CUL9: variants seen among roughly 807,000 people sequenced by gnomAD.
CUL9 encodes the protein cullin-9.
CUL9 carries 79 observed loss-of-function variants against 272.6 expected under a neutral mutation model. The ratio of observed to expected loss-of-function variants is 0.29; its 90% CI spans 0.24 to 0.35. CUL9 has a LOEUF of 0.35. Among genes scored for constraint, CUL9 ranks in the 10% least tolerant of loss-of-function variants. CUL9 has a pLI of 1.00. For synonymous variants in CUL9, 1,186 were observed against 1,286.5 expected (o/e 0.92, Z 1.67); for missense variants, 2,532 against 3,255.6 (o/e 0.78, Z 5.41).
intron 10 of CUL9, 157 bp from the exon 11 acceptor site, chr6:43,196,488 G>C (rs1261342545): frequency 1.1e-5 from 9 of 823,262 alleles, no homozygotes. Context: ...TTATGGGTTT[G>C]GGAGGAGTGG....
intron 20 of CUL9, 24 bp downstream of exon 20, chr6:43,204,011 C>T: frequency 5.7e-6 from 9 of 1,575,430 alleles, no homozygotes; most frequent in Non-Finnish European, 7.8e-6. Flanking sequence ...CACCTGGCCC[C>T]ACTAACCAGT....
In CUL9 at chr6:43,204,868, G is replaced by A; in HGVS notation, c.4449+11G>A. On this transcript the variant is annotated intron_variant, in intron 22 of 40. Transcript: ENST00000252050. Reference sequence around the variant, plus strand: ...GTGGTGCAGGAGCAGGTGGGCAGAAGCAAGCAGAAGTCTGCAGAGGGGAGG... The same window carrying A: ...GTGGTGCAGGAGCAGGTGGGCAGAAACAAGCAGAAGTCTGCAGAGGGGAGG... 6.2e-7 allele frequency: 1 copy of A among 1,613,990 alleles called. No homozygotes were observed. The highest frequency in any genetic ancestry group is 8.5e-7 in the Non-Finnish European group (1 of 1,179,906).
intron 31 of CUL9, among the ~76,000 whole-genome samples, chr6:43,217,903 GT>G (rs1262255027): frequency 6.6e-6 from 1 of 152,176 alleles, no homozygotes; most frequent in Admixed American, 6.5e-5. Flanking sequence ...GCATTGTGCT[GT>G]TTACATGCAT....
At chr6:43,202,564 CG>C (rs1163316781) in intron 16 of CUL9, 151 bp from the exon 17 acceptor site, 6 of 628,276 alleles carry the variant, frequency 9.5e-6, no homozygotes, top group Non-Finnish European at 1.7e-5. Flanking sequence ...ATTTTTATTT[CG>C]TAGAGGTGGG....
rs1776134392 is a variant in CUL9, at chr6:43,218,983, G to C, written c.6283-1476G>C. On this transcript the variant is annotated intron_variant, in intron 31 of 40. Transcript: ENST00000252050. The surrounding 1 kb of genome is among the most constrained non-coding windows in gnomAD (Gnocchi z 4.4). ...CAGAGACGGGGGGTCTCAGGAGTTTGAGACCAGCCTAGACAACACAGCAAG... is the reference window on the plus strand; with the variant it reads ...CAGAGACGGGGGGTCTCAGGAGTTTCAGACCAGCCTAGACAACACAGCAAG... Among the ~76,000 whole-genome samples, 1 of 152,058 alleles carries C rather than the reference G, an allele frequency of 6.6e-6. No individual in the cohort carries two copies. The highest frequency in any genetic ancestry group is 2.1e-4 in the South Asian group (1 of 4,822).
At position 43,223,977 on chromosome 6, in the gene CUL9, G is replaced by A; in HGVS notation, c.7285-118G>A. On this transcript the variant is annotated intron_variant, in intron 39 of 40. Transcript: ENST00000252050. This position sits in a 1 kb window ranked among gnomAD's most constrained non-coding sequence, Gnocchi z 4.1. ...GCAGTGTTTCATGAAGTGCTGTGCT[G>A]GGAGGGGAGCAGTCCTAGCAGGAGC... 1.1e-6 allele frequency: 1 copy of A among 928,284 alleles called. No individual in the cohort carries two copies. Among genetic ancestry groups the A allele is most frequent in the Non-Finnish European group, 1.8e-6 (1 of 563,278 alleles). The allele number at this position is 928,284 out of a possible 1,614,324, so 57.5% of individuals were successfully genotyped here. A position where few individuals can be genotyped will look rare whatever the true frequency, so the allele number is the denominator to read the frequency against.
chr6:43,190,786 T>G (rs1426108716), intron 8 of CUL9, among the ~76,000 whole-genome samples: 1 of 152,306 alleles, frequency 6.6e-6, no homozygotes, highest in Middle Eastern at 3.4e-3. Context: ...CTGTGTTCTT[T>G]CCCCTCGTAG....
At chr6:43,186,810 A>C in intron 4 of CUL9, 150 bp from the exon 5 acceptor site, 1 of 926,296 alleles carries the variant, frequency 1.1e-6, no homozygotes, top group African/African-American at 1.6e-5. Flanking sequence ...GCCTTTTGCC[A>C]TATGGGGGTT....
rs1198641384 is a variant in CUL9, at chr6:43,220,011, G to A, written c.6283-448G>A. 6.6e-6 allele frequency among the ~76,000 whole-genome samples: 1 copy of A among 152,126 alleles called. No individual in the cohort carries two copies. Among genetic ancestry groups the A allele is most frequent in the Non-Finnish European group, 1.5e-5 (1 of 68,032 alleles). On this transcript the variant is annotated intron_variant, in intron 31 of 40. Transcript: ENST00000252050. The surrounding 1 kb of genome is among the most constrained non-coding windows in gnomAD (Gnocchi z 4.9). ...GGGTCTGTTGGAGGCATAAGTCAGA[G>A]ACAGGAGCATCCGGACGGTCATTGG...
At chr6:43,189,367 G>T (rs1460480903) in intron 8 of CUL9, among the ~76,000 whole-genome samples, 2 of 151,236 alleles carry the variant, frequency 1.3e-5, no homozygotes, top group Non-Finnish European at 2.9e-5. Context: ...TGTACTTTTA[G>T]TAGAGACAGG....
Position 43,213,288 on chromosome 6 carries a change from G to C in CUL9, c.5352G>C (p.Gln1784His). The change falls in exon 27 of 41, where the codon CAG (glutamine) becomes CAC (histidine). Residue 1784 changes from glutamine to histidine, a missense_variant. Coordinates refer to ENST00000252050, the MANE Select transcript of CUL9 (RefSeq NM_015089.4). The surrounding 1 kb of genome is among the most constrained non-coding windows in gnomAD (Gnocchi z 5.7). ...TGTGGCTGCTGCTGAAATTCAATCA[G>C]ACAGAGGTGCTTCAGCCCTTAGCCT... is the stretch of plus-strand genomic sequence containing the variant. ...VQMWLLLKFN[Q>H]TEEVSVETLL... 2 of 1,613,842 alleles carry C rather than the reference G, an allele frequency of 1.2e-6. No homozygotes were observed. Among genetic ancestry groups the C allele is most frequent in the Non-Finnish European group, 1.7e-6 (2 of 1,179,970 alleles).
At position 43,188,660 on chromosome 6, in the gene CUL9, G is replaced by A; in HGVS notation, c.2125G>A (p.Val709Met). ...LSGLSALSQA[V>M]EEVTERDHPL... Reference sequence around the variant, plus strand: ...AGGGCTCTCTGCCCTCTCTCAGGCTGTGGAGGAGGTCACTGAGCGGGACCA... The same window carrying A: ...AGGGCTCTCTGCCCTCTCTCAGGCTATGGAGGAGGTCACTGAGCGGGACCA... Residue 709 changes from valine (V) to methionine (M), a missense_variant, in exon 8 of 41, where the codon GTG (valine) becomes ATG (methionine). By Grantham distance (21) the Val-to-Met change is conservative (BLOSUM62 1). Around this residue, in one of 3 missense-constraint regions of CUL9, gnomAD observed 2,218 missense variants for 2,788.6 expected, o/e 0.80. Coordinates refer to ENST00000252050, the MANE Select transcript of CUL9 (RefSeq NM_015089.4). 2 of 1,614,144 alleles carry A rather than the reference G, an allele frequency of 1.2e-6. No individual in the cohort carries two copies. The highest frequency in any genetic ancestry group is 1.3e-5 in the African/African-American group (1 of 75,052).
At position 43,199,164 on chromosome 6, in the gene CUL9, G is replaced by T. The variant is rs1451609162; in HGVS notation, c.3051-102G>T. 5 of 979,968 alleles carry T rather than the reference G, an allele frequency of 5.1e-6. No homozygotes were observed. In the Admixed American group the frequency reaches 5.5e-5, roughly 11 times the overall value. 60.7% of individuals were successfully genotyped at this position (979,968 alleles called of 1,614,324 possible). On this transcript the variant is annotated intron_variant, in intron 12 of 40. Transcript: ENST00000252050. This position sits in a 1 kb window ranked among gnomAD's most constrained non-coding sequence, Gnocchi z 4.4. ...TTGGTCAGGCTGGTCTCGAACTCCC[G>T]ACCTCAGGTGATCCGCCCACTTCGG...
chr6:43,195,392 C>T (rs1418277362), intron 9 of CUL9, among the ~76,000 whole-genome samples: 1 of 152,236 alleles, frequency 6.6e-6, no homozygotes, highest in Non-Finnish European at 1.5e-5. Flanking sequence ...ATGCCAACCA[C>T]TGCCTGTGAG....
rs941687303 is a variant in CUL9, at chr6:43,193,505, A to T, written c.2388+297A>T. On this transcript the variant is annotated intron_variant, in intron 9 of 40. Coordinates refer to ENST00000252050, the MANE Select transcript of CUL9 (RefSeq NM_015089.4). ...CACCTCAGCCTCCCAAAGTGCTGAGATTACAGGCATAAGCCACTGTGCCAG... is the reference window on the plus strand; with the variant it reads ...CACCTCAGCCTCCCAAAGTGCTGAGTTTACAGGCATAAGCCACTGTGCCAG... Among the ~76,000 whole-genome samples, 4 of 152,148 alleles carry T rather than the reference A, an allele frequency of 2.6e-5. No individual in the cohort carries two copies. The East Asian group carries it at 7.7e-4, about 29-fold the overall frequency.
chr6:43,206,456 C>T lies in CUL9; in HGVS notation c.5158C>T (p.Leu1720Phe), dbSNP rs369118696. 4 of 1,614,224 alleles carry T rather than the reference C, an allele frequency of 2.5e-6. No homozygotes were observed. The highest frequency in any genetic ancestry group is 3.4e-6 in the Non-Finnish European group (4 of 1,180,032). The change falls in exon 26 of 41, where the codon CTT (leucine) becomes TTT (phenylalanine). Residue 1720 changes from leucine to phenylalanine, a missense_variant. Physicochemically the swap from Leu to Phe is conservative, Grantham distance 22. Around this residue, in one of 3 missense-constraint regions of CUL9, gnomAD observed 2,218 missense variants for 2,788.6 expected, o/e 0.80. Coordinates refer to ENST00000252050, the MANE Select transcript of CUL9 (RefSeq NM_015089.4). This position sits in a 1 kb window ranked among gnomAD's most constrained non-coding sequence, Gnocchi z 4.8. ...LCYLYHPRKC[L>F]PTEFCDALDR... ...CTACCTGTACCATCCCAGAAAGTGC[C>T]TTCCCACAGAATTCTGTGATGCCCT... is the stretch of plus-strand genomic sequence containing the variant.
Position 43,221,386 on chromosome 6 carries a change from G to C in CUL9, c.6752+65G>C, listed in dbSNP as rs993742983. ...GGGGGGAGGAGGCCTGGCAGAAGGA[G>C]GGGGGAACGGGCTTAGTGTAAAGCT... On this transcript the variant is annotated intron_variant, in intron 34 of 40. Transcript: ENST00000252050. This position sits in a 1 kb window ranked among gnomAD's most constrained non-coding sequence, Gnocchi z 4.2. 1 of 1,445,664 alleles carries C rather than the reference G, an allele frequency of 6.9e-7. No individual in the cohort carries two copies. Among genetic ancestry groups the C allele is most frequent in the Non-Finnish European group, 9.4e-7 (1 of 1,069,012 alleles). 89.6% of individuals were successfully genotyped at this position (1,445,664 alleles called of 1,614,324 possible). A position where few individuals can be genotyped will look rare whatever the true frequency, so the allele number is the denominator to read the frequency against.
chr6:43,204,951 G>T lies in CUL9; in HGVS notation c.4468G>T (p.Ala1490Ser). Residue 1490 changes from alanine to serine, a missense_variant, in exon 23 of 41, where the codon GCA (alanine) becomes TCA (serine). By Grantham distance (99) the Ala-to-Ser change is moderately conservative (BLOSUM62 1). Transcript: ENST00000252050. ...VQEQVSRFLA[A>S]AWRAPDFVPR... ...TCCTCAGGTCAGCAGATTCCTGGCT[G>T]CAGCTTGGAGGGCCCCAGACTTTGT... is the stretch of plus-strand genomic sequence containing the variant. 1 of 1,608,226 alleles carries T rather than the reference G, an allele frequency of 6.2e-7. No individual in the cohort carries two copies.
rs183513511 is a variant in CUL9 at position 43,204,172 on chromosome 6, C to T, written c.4159+185C>T. 458 of 1,035,906 alleles carry T rather than the reference C, an allele frequency of 4.4e-4. 2 individuals are homozygous for T. The highest frequency in any genetic ancestry group is 2.0e-3 in the Middle Eastern group (8 of 3,962). The allele number at this position is 1,035,906 out of a possible 1,614,324, so 64.2% of individuals were successfully genotyped here. On this transcript the variant is annotated intron_variant, in intron 20 of 40. Transcript: ENST00000252050. ...GAGACTCTGGTATTTGAATCTTTCC[C>T]ACTACCCCATCCCCACCCTGTTAAC...
Sources: allele counts gnomAD v4.1 joint callset (sites outside exome capture counted in the v4.1 genomes callset), GRCh38; gene constraint gnomAD v4.1.1; regional missense constraint gnomAD v4.1.1; non-coding constraint Gnocchi (gnomAD v3.1); transcripts MANE v1.5; gene names NCBI Gene and HGNC (gene_info 2026-07-23, HGNC 2026-07-21).